TBXAS1: variants seen among roughly 807,000 people sequenced by gnomAD.
The protein encoded by TBXAS1 is thromboxane A synthase 1.
TBXAS1 carries 48 observed loss-of-function variants against 60.7 expected under a neutral mutation model. That is an observed-to-expected ratio of 0.79 (90% CI 0.63 to 1.01). The LOEUF (loss-of-function observed/expected upper bound fraction) is 1.01, where lower values mean the gene tolerates loss of function less well. TBXAS1 is among the 50% of genes least tolerant of loss of function. The probability of loss-of-function intolerance (pLI) is 0.00; values close to 1 mark genes in which losing one functional copy is unlikely to be tolerated. For missense variants in TBXAS1, 685 were observed against 686.3 expected, an observed-to-expected ratio of 1.00 and a Z score of 0.02; for synonymous variants, 287 against 269.7, an observed-to-expected ratio of 1.06 and a Z score of -0.63.
chr7:139,849,176 C>G (rs745960374), intron 1 of TBXAS1, among the ~76,000 whole-genome samples: 1 of 151,978 alleles, frequency 6.6e-6, no homozygotes, highest in East Asian at 1.9e-4. Context: ...CAGGAATTCT[C>G]GAGACCAGCC....
At chr7:139,941,682 C>T (rs1014510364) in intron 5 of TBXAS1, among the ~76,000 whole-genome samples, 1 of 152,146 alleles carries the variant, frequency 6.6e-6, no homozygotes, top group Non-Finnish European at 1.5e-5. Context: ...TCACTCCATC[C>T]CCCGAAGAAT....
At chr7:139,811,918 C>T (rs1012100339) in intron 4 of TBXAS1, among the ~76,000 whole-genome samples, 16 of 152,162 alleles carry the variant, frequency 1.1e-4, no homozygotes, top group African/African-American at 3.4e-4. Flanking sequence ...CGAGCAATTG[C>T]ATTTCATAAA....
intron 1 of TBXAS1, among the ~76,000 whole-genome samples, chr7:139,843,001 C>A (rs1478703622): frequency 6.6e-6 from 1 of 152,216 alleles, no homozygotes; most frequent in Non-Finnish European, 1.5e-5. Context: ...TGCACACAGA[C>A]CCCCTGGGAG....
chr7:139,941,014 GT>G (rs1358269037), intron 5 of TBXAS1, among the ~76,000 whole-genome samples: 4 of 152,234 alleles, frequency 2.6e-5, no homozygotes, highest in Middle Eastern at 3.4e-3. Context: ...CATACAAAAA[GT>G]CACAGACACA....
At chr7:139,859,555 C>G (rs550167078) in intron 1 of TBXAS1, among the ~76,000 whole-genome samples, 28 of 152,198 alleles carry the variant, frequency 1.8e-4, no homozygotes, top group Admixed American at 1.4e-3. Flanking sequence ...CACTTATGAT[C>G]ACGACATAAA....
chr7:140,015,732 G>T lies in TBXAS1; in HGVS notation c.1236G>T (p.Arg412=). Reference sequence around the variant, plus strand: ...CTGGTGTTTCCCTCAGATTCACACGGGAGGCAGCTCAGGACTGCGAGGTGC... The same window carrying T: ...CTGGTGTTTCCCTCAGATTCACACGTGAGGCAGCTCAGGACTGCGAGGTGC... ...RMYPPAFRFT[R]EAAQDCEVLG... is the part of the protein sequence containing the mutation. Residue 412 remains arginine, a synonymous_variant, in exon 11 of 13, where the codon CGG becomes CGT. Transcript: ENST00000448866. 1 of 1,613,318 alleles carries T rather than the reference G, an allele frequency of 6.2e-7. No homozygotes were observed. Among genetic ancestry groups the T allele is most frequent in the South Asian group, 1.1e-5 (1 of 91,084 alleles).
chr7:139,855,563 G>A (rs985472418), intron 1 of TBXAS1, among the ~76,000 whole-genome samples: 2 of 152,164 alleles, frequency 1.3e-5, no homozygotes, highest in Non-Finnish European at 2.9e-5. Flanking sequence ...AGATCAGAAT[G>A]TCAGACAGAG....
chr7:139,984,619 AGAGAG>A (rs1812214078), intron 9 of TBXAS1, among the ~76,000 whole-genome samples: 8 of 114,394 alleles, frequency 7.0e-5, no homozygotes, highest in African/African-American at 2.5e-4. Context: ...AAAGAAAGAG[AGAGAG>A]AGAGAGAGAG....
At chr7:139,813,719 C>A (rs1370400922) in intron 4 of TBXAS1, among the ~76,000 whole-genome samples, 1 of 152,158 alleles carries the variant, frequency 6.6e-6, no homozygotes, top group African/African-American at 2.4e-5. Context: ...TTTTCCAGAT[C>A]TTCTTTGTAA....
chr7:139,799,075 C>CTT (rs59263161), intron 4 of TBXAS1, among the ~76,000 whole-genome samples: 1,459 of 118,686 alleles, frequency 0.012, 45 homozygotes, highest in African/African-American at 0.047. Context: ...CCATACACTG[C>CTT]TTTTTTTTTT....
chr7:139,899,286 C>T (rs548121134), intron 3 of TBXAS1, among the ~76,000 whole-genome samples: 4 of 152,094 alleles, frequency 2.6e-5, no homozygotes, highest in Admixed American at 6.5e-5. Flanking sequence ...TTTTTCATGT[C>T]GGTGCCTGTA....
intron 5 of TBXAS1, among the ~76,000 whole-genome samples, chr7:139,949,342 A>T (rs1173046216): frequency 2.0e-5 from 3 of 152,214 alleles, no homozygotes; most frequent in Non-Finnish European, 2.9e-5. Context: ...AGATAGACAG[A>T]TTTTCTTTTA....
chr7:139,805,660 C>G (rs1245974995), intron 4 of TBXAS1, among the ~76,000 whole-genome samples: 2 of 101,432 alleles, frequency 2.0e-5, no homozygotes, highest in African/African-American at 8.4e-5. Context: ...CCTTCTTTTT[C>G]TCTTTCTTTC....
chr7:139,909,935 T>C (rs1805389653), intron 3 of TBXAS1, among the ~76,000 whole-genome samples: 1 of 152,164 alleles, frequency 6.6e-6, no homozygotes, highest in South Asian at 2.1e-4. Context: ...CAAGCAGGCT[T>C]GTCCCTGGCT....
chr7:139,813,934 T>A (rs1798086288), intron 4 of TBXAS1, among the ~76,000 whole-genome samples: 1 of 152,204 alleles, frequency 6.6e-6, no homozygotes, highest in Admixed American at 6.5e-5. Flanking sequence ...GAAGTCTCTG[T>A]TGCTTGCATG....
intron 9 of TBXAS1, among the ~76,000 whole-genome samples, chr7:139,985,547 A>G (rs574961199): frequency 5.2e-5 from 8 of 152,390 alleles, no homozygotes; most frequent in South Asian, 4.1e-4. Flanking sequence ...GATAAGCCCT[A>G]TAAGTATAAA....
intron 3 of TBXAS1, among the ~76,000 whole-genome samples, chr7:139,891,226 CTATGAT>C (rs1803584895): frequency 6.6e-6 from 1 of 150,724 alleles, no homozygotes; most frequent in Non-Finnish European, 1.5e-5. Flanking sequence ...CCATCTTGCC[CTATGAT>C]TATAATATAT....
chr7:139,946,872 C>T (rs1254816740), intron 5 of TBXAS1, among the ~76,000 whole-genome samples: 1 of 152,154 alleles, frequency 6.6e-6, no homozygotes, highest in African/African-American at 2.4e-5. Context: ...GGAAGGAAAC[C>T]TACTAATTTG....
rs573194197 is a variant in TBXAS1 at position 139,866,119 on chromosome 7, C to G, written c.90-6116C>G. On this transcript the variant is annotated intron_variant, in intron 1 of 12. Transcript: ENST00000448866. ...GAGAGCATTTGGTGCAAAGGATATA[C>G]CAACGGTAGGACTAGCTGGGACAAA... Among the ~76,000 whole-genome samples the G allele has an allele frequency of 2.6e-5, 4 of 152,146 alleles. No homozygotes were observed. The South Asian group carries it at 6.2e-4, about 24-fold the overall frequency.
Sources: allele counts gnomAD v4.1 joint callset (sites outside exome capture counted in the v4.1 genomes callset), GRCh38; gene constraint gnomAD v4.1.1; transcripts MANE v1.5; gene names NCBI Gene and HGNC (gene_info 2026-07-23, HGNC 2026-07-21).